SPINT1: variants seen among roughly 807,000 people sequenced by gnomAD.
The protein encoded by SPINT1 is kunitz-type protease inhibitor 1.
In SPINT1, 38 loss-of-function variants were observed where a neutral mutation model predicts 53.7. The ratio of observed to expected loss-of-function variants is 0.71; its 90% CI spans 0.55 to 0.93. The LOEUF (loss-of-function observed/expected upper bound fraction) is 0.93. Among genes scored for constraint, SPINT1 ranks in the 40% least tolerant of loss-of-function variants. The pLI is 0.00. For missense variants in SPINT1, 645 were observed against 692.9 expected (o/e 0.93, Z 0.78); for synonymous variants, 283 against 280.6 (o/e 1.01, Z -0.08).
At chr15:40,855,716 G>C (rs909589504) in intron 8 of SPINT1, 176 bp from the exon 9 acceptor site, 1 of 588,696 alleles carries the variant, frequency 1.7e-6, no homozygotes, top group Admixed American at 3.2e-5. Context: ...TATTGTCCAG[G>C]GTTTGTCTTC....
intron 8 of SPINT1, chr15:40,855,664 A>G: frequency 2.2e-6 from 1 of 447,196 alleles, no homozygotes; most frequent in South Asian, 5.4e-5. Context: ...AAGAAAATTG[A>G]AATAACTATG....
intron 2 of SPINT1, among the ~76,000 whole-genome samples, chr15:40,845,559 A>T (rs528305869): frequency 2.0e-5 from 3 of 152,268 alleles, no homozygotes; most frequent in Admixed American, 2.0e-4. Context: ...AGGCAGTACA[A>T]ACAGTAAACA....
chr15:40,855,004 A>G (rs1014501692), intron 8 of SPINT1, among the ~76,000 whole-genome samples: 1 of 152,188 alleles, frequency 6.6e-6, no homozygotes, highest in African/African-American at 2.4e-5. Context: ...TTAAAAAGGA[A>G]CTTTCACATC....
chr15:40,844,371 C>T lies in SPINT1; in HGVS notation c.-65-119C>T. 1 of 692,264 alleles carries T rather than the reference C, an allele frequency of 1.4e-6. No homozygotes were observed. The highest frequency in any genetic ancestry group is 2.6e-5 in the East Asian group (1 of 37,966). The allele number at this position is 692,264 out of a possible 1,614,324, so 42.9% of individuals were successfully genotyped here. A position where few individuals can be genotyped will look rare whatever the true frequency, so the allele number is the denominator to read the frequency against. On this transcript the variant is annotated intron_variant, in intron 1 of 10. Transcript: ENST00000562057. The surrounding 1 kb of genome is among the most constrained non-coding windows in gnomAD (Gnocchi z 5.8). ...GAGGGCCGGGCCCGTGCGCCCTCTT[C>T]GATCCTGGGGTGCTCCGGTCCCTCC...
At chr15:40,853,339 C>T (rs771370670) in intron 3 of SPINT1, 88 bp downstream of exon 3, 399 of 1,604,436 alleles carry the variant, frequency 2.5e-4, no homozygotes, top group Non-Finnish European at 3.0e-4. Context: ...ACCAATGGCC[C>T]CGGATGGGAT....
chr15:40,856,824 T>C lies in SPINT1; in HGVS notation c.1391T>C (p.Val464Ala). 6.2e-7 allele frequency: 1 copy of C among 1,614,142 alleles called. No homozygotes were observed. The highest frequency in any genetic ancestry group is 8.5e-7 in the Non-Finnish European group (1 of 1,180,022). The change falls in exon 11 of 11, where the codon GTA becomes GCA. Residue 464 changes from valine (V) to alanine (A), a missense_variant. Val to Ala is a moderately conservative substitution (Grantham distance 64). Transcript: ENST00000562057. Reference protein sequence around the residue: ...VFLVICIVVVVAILGYCFFKN... With the variant: ...VFLVICIVVVAAILGYCFFKN... ...CTGGTCATCTGCATTGTGGTGGTGGTAGCCATCTTGGGTTACTGCTTCTTC... is the reference window on the plus strand; with the variant it reads ...CTGGTCATCTGCATTGTGGTGGTGGCAGCCATCTTGGGTTACTGCTTCTTC...
chr15:40,851,402 T>C (rs1025951651), intron 2 of SPINT1, among the ~76,000 whole-genome samples: 1 of 152,138 alleles, frequency 6.6e-6, no homozygotes, highest in African/African-American at 2.4e-5. Flanking sequence ...CTGCCCGCCT[T>C]GGCCGCCCAA....
intron 2 of SPINT1, among the ~76,000 whole-genome samples, chr15:40,850,321 C>T (rs1389546279): frequency 2.6e-5 from 4 of 152,188 alleles, no homozygotes; most frequent in Non-Finnish European, 5.9e-5. Context: ...ATCCACCCGC[C>T]CCGCTTCCCA....
Position 40,853,250 on chromosome 15 carries a change from A to T in SPINT1, c.602A>T (p.Glu201Val), listed in dbSNP as rs773904695. The part of the protein sequence containing the change: ...LLRGDTDVRV[E>V]RKDPNQVELW... Reference sequence around the variant, plus strand: ...CGGGGTGACACGGATGTCAGGGTAGAGGTGAGACACTGGGCTGACTCTGAC... The same window carrying T: ...CGGGGTGACACGGATGTCAGGGTAGTGGTGAGACACTGGGCTGACTCTGAC... The change falls in exon 3 of 11, where the codon GAG becomes GTG. Residue 201 changes from glutamate to valine, a missense_variant and splice_region_variant. By Grantham distance (121) the Glu-to-Val change is moderately radical. Coordinates refer to ENST00000562057, the MANE Select transcript of SPINT1 (RefSeq NM_003710.4). The T allele has an allele frequency of 1.2e-6, 2 of 1,614,048 alleles. No individual in the cohort carries two copies. The highest frequency in any genetic ancestry group is 1.7e-5 in the Admixed American group (1 of 60,002).
Position 40,853,511 on chromosome 15 carries a change from A to C in SPINT1, c.626A>C (p.Glu209Ala), listed in dbSNP as rs1440600263. ...CAGAGGAAAGACCCAAACCAGGTGG[A>C]ACTGTGGGGACTCAAGGAAGGCACC... ...RVERKDPNQV[E>A]LWGLKEGTYL... Residue 209 changes from glutamate to alanine, a missense_variant, in exon 4 of 11, where the codon GAA (glutamate) becomes GCA (alanine). Glu to Ala is a moderately radical substitution (Grantham distance 107). Transcript: ENST00000562057. 1.2e-6 allele frequency: 2 copies of C among 1,614,106 alleles called. No individual in the cohort carries two copies. The highest frequency in any genetic ancestry group is 2.2e-5 in the South Asian group (2 of 91,078).
In SPINT1 at chr15:40,856,033, A is replaced by G. The variant is rs778702999; in HGVS notation, c.1259A>G (p.Gln420Arg). 21 of 1,614,054 alleles carry G rather than the reference A, an allele frequency of 1.3e-5. No homozygotes were observed. Among genetic ancestry groups the G allele is most frequent in the Non-Finnish European group, 1.6e-5 (19 of 1,180,040 alleles). Residue 420 changes from glutamine (Q) to arginine (R), a missense_variant, in exon 9 of 11, where the codon CAG becomes CGG. Transcript: ENST00000562057. ...AAGAACAACTTTGAGGAAGAGCAGC[A>G]GTGCCTCGAGTCTTGTCGCGGCATC... ...GNKNNFEEEQ[Q>R]CLESCRGISK...
chr15:40,850,134 G>A (rs534699680), intron 2 of SPINT1, among the ~76,000 whole-genome samples: 6 of 152,188 alleles, frequency 3.9e-5, no homozygotes, highest in South Asian at 4.2e-4. Flanking sequence ...GTGCAATGGC[G>A]CGATCTCCGG....
rs779964722 is a variant in SPINT1 at position 40,844,658 on chromosome 15, C to T, written c.104C>T (p.Ala35Val). 6 of 1,604,648 alleles carry T rather than the reference C, an allele frequency of 3.7e-6. No individual in the cohort carries two copies. The highest frequency in any genetic ancestry group is 1.1e-5 in the South Asian group (1 of 90,444). ...LCTLGLQGTQ[A>V]GPPPAPPGLP... ...ACGCTCGGCCTCCAGGGCACCCAGGCCGGGCCACCGCCCGCGCCCCCTGGG... is the reference window on the plus strand; with the variant it reads ...ACGCTCGGCCTCCAGGGCACCCAGGTCGGGCCACCGCCCGCGCCCCCTGGG... The change falls in exon 2 of 11, where the codon GCC (alanine) becomes GTC (valine). Residue 35 changes from alanine (A) to valine (V), a missense_variant. Transcript: ENST00000562057. The surrounding 1 kb of genome is among the most constrained non-coding windows in gnomAD (Gnocchi z 5.8).
At chr15:40,856,099 G>C (rs1433698770) in intron 9 of SPINT1, 37 bp downstream of exon 9, 1 of 1,610,878 alleles carries the variant, frequency 6.2e-7, no homozygotes, top group African/African-American at 1.3e-5. Flanking sequence ...ATGTATGGGG[G>C]AAGGCTTAGC....
At chr15:40,849,847 G>T (rs1432219243) in intron 2 of SPINT1, among the ~76,000 whole-genome samples, 2 of 83,416 alleles carry the variant, frequency 2.4e-5, no homozygotes, top group East Asian at 8.6e-4. Context: ...TGGACTCCAG[G>T]GGTCAATAAA....
chr15:40,854,794 G>A, intron 8 of SPINT1, 105 bp downstream of exon 8: 1 of 1,451,904 alleles, frequency 6.9e-7, no homozygotes, highest in Non-Finnish European at 9.5e-7. Flanking sequence ...GTACGGGCCT[G>A]TGGGCACAAA....
chr15:40,857,236 T>C lies in SPINT1; in HGVS notation c.*261T>C, dbSNP rs185295979. The C allele has an allele frequency of 2.0e-5, 11 of 541,238 alleles. No individual in the cohort carries two copies. The highest frequency in any genetic ancestry group is 6.3e-5 in the East Asian group (2 of 31,942). The allele number at this position is 541,238 out of a possible 1,614,324, so 33.5% of individuals were successfully genotyped here. On this transcript the variant is annotated 3_prime_UTR_variant, in exon 11 of 11. Transcript: ENST00000562057. ...TGCCTGCATAGGAGTTTGGAGGAAG[T>C]TGGAGTTTTGTTTCCTCTGTTCAAA...
chr15:40,845,127 G>A (rs1264377220), intron 2 of SPINT1, 98 bp downstream of exon 2: 1 of 997,186 alleles, frequency 1.0e-6, no homozygotes, highest in South Asian at 1.7e-5. Flanking sequence ...GAGTTAAGGA[G>A]AGTTCACTTT....
chr15:40,851,273 C>G (rs1891447557), intron 2 of SPINT1, among the ~76,000 whole-genome samples: 1 of 152,106 alleles, frequency 6.6e-6, no homozygotes, highest in Non-Finnish European at 1.5e-5. Flanking sequence ...CCTGCCTCAG[C>G]CTCCTGAGTA....
Sources: gnomAD v4.1 joint callset for allele counts (sites outside exome capture counted in the v4.1 genomes callset) on GRCh38, gnomAD v4.1.1 for gene constraint, Gnocchi (gnomAD v3.1) non-coding constraint, MANE v1.5 for transcripts, NCBI Gene and HGNC (gene_info 2026-07-23, HGNC 2026-07-21) for gene names.